The following MACF1 variants were observed in gnomAD, a reference collection of about 807,000 sequenced individuals.
MACF1 encodes the protein microtubule actin crosslinking factor 1.
MACF1 carries 193 observed loss-of-function variants against 854.8 expected under a neutral mutation model. The ratio of observed to expected loss-of-function variants is 0.23; its 90% CI spans 0.20 to 0.25. MACF1 has a LOEUF of 0.25. Ranked by LOEUF, MACF1 falls within the 10% of genes least tolerant of loss-of-function variation. MACF1 has a pLI of 1.00. For synonymous variants in MACF1, 3,185 were observed against 3,226.7 expected (o/e 0.99, Z 0.44); for missense variants, 7,722 against 8,929.1 (o/e 0.86, Z 5.45).
chr1:39,424,610 A>G (rs1398808046), intron 61 of MACF1, among the ~76,000 whole-genome samples: 2 of 152,164 alleles, frequency 1.3e-5, no homozygotes, highest in Non-Finnish European at 2.9e-5. Flanking sequence ...GTAATATTAG[A>G]TTTTTTTGCC....
intron 2 of MACF1, among the ~76,000 whole-genome samples, chr1:39,128,571 C>T (rs1571076009): frequency 1.3e-5 from 2 of 152,142 alleles, no homozygotes; most frequent in South Asian, 4.1e-4. Context: ...TGGTGGCGGG[C>T]GCCTGTAGTC....
At chr1:39,414,459 T>C (rs1643196322) in intron 58 of MACF1, 1 of 1,614,042 alleles carries the variant, frequency 6.2e-7, no homozygotes, top group Non-Finnish European at 8.5e-7. Context: ...CTGCAACCGC[T>C]GGATTAAATT....
chr1:39,267,306 A>G (rs1018160226), intron 6 of MACF1, among the ~76,000 whole-genome samples: 13 of 152,124 alleles, frequency 8.5e-5, no homozygotes, highest in African/African-American at 3.1e-4. Flanking sequence ...ATCTTGGCTC[A>G]CTGCAACCTC....
chr1:39,327,783 C>A (rs1329362644), intron 36 of MACF1, among the ~76,000 whole-genome samples: 1 of 152,126 alleles, frequency 6.6e-6, no homozygotes, highest in Non-Finnish European at 1.5e-5. Flanking sequence ...ATATTAAGTT[C>A]CAAAGCAAAC....
chr1:39,412,157 T>C lies in MACF1; in HGVS notation c.15817-10217T>C, dbSNP rs113364091. ...GAGCTGGCCAAAGACAATGGCAGTT[T>C]GTCCCAGGGAGACTGCAGTCAAACT... On this transcript the variant is annotated intron_variant, in intron 58 of 100. Coordinates refer to ENST00000564288, the MANE Select transcript of MACF1 (RefSeq NM_001394062.1). 4,386 of 1,613,972 alleles carry C rather than the reference T, an allele frequency of 2.7e-3. 18 individuals are homozygous for C. Among genetic ancestry groups the C allele is most frequent in the South Asian group, 9.3e-3 (847 of 91,086 alleles).
chr1:39,279,225 G>A (rs771213233), intron 6 of MACF1, among the ~76,000 whole-genome samples: 30 of 152,058 alleles, frequency 2.0e-4, no homozygotes, highest in Admixed American at 9.8e-4. Context: ...GCTGGGTAGG[G>A]TACAGTTTCA....
intron 2 of MACF1, among the ~76,000 whole-genome samples, chr1:39,240,306 C>G (rs1402040162): frequency 6.6e-6 from 1 of 152,126 alleles, no homozygotes; most frequent in East Asian, 1.9e-4. Flanking sequence ...AGGAGTGTTA[C>G]CTTTGTTGCC....
At chr1:39,145,352 A>T (rs1205341101) in intron 2 of MACF1, among the ~76,000 whole-genome samples, 2 of 152,158 alleles carry the variant, frequency 1.3e-5, no homozygotes, top group Non-Finnish European at 2.9e-5. Context: ...ACCAGTCCTT[A>T]CCACATTCCC....
chr1:39,485,704 C>A lies in MACF1; in HGVS notation c.22578C>A (p.Ser7526=), dbSNP rs776333371. The A allele has an allele frequency of 6.2e-7, 1 of 1,614,020 alleles. No individual in the cohort carries two copies. The highest frequency in any genetic ancestry group is 8.5e-7 in the Non-Finnish European group (1 of 1,179,962). Residue 7526 remains serine, a synonymous_variant, in exon 101 of 101, where the codon TCC becomes TCA. Coordinates refer to ENST00000564288, the MANE Select transcript of MACF1 (RefSeq NM_001394062.1). ...GCGCTGCAGGGGGCCAAGGCAACTC[C>A]AGGAGAGGGCTAAACAAACCTTCCA... ...ESSAAGGQGN[S]RRGLNKPSKI...
chr1:39,337,201 T>G lies in MACF1; in HGVS notation c.10085T>G (p.Leu3362Arg), dbSNP rs1370946288. 1 of 1,613,290 alleles carries G rather than the reference T, an allele frequency of 6.2e-7. No individual in the cohort carries two copies. The highest frequency in any genetic ancestry group is 1.7e-5 in the Admixed American group (1 of 59,916). ...CCACAGAATGTATTTACCCGGCAAC[T>G]CTGTTTAGAACATGATGAAAAGCTA... The part of the protein sequence containing the change: ...RATQNVFTRQ[L>R]CLEHDEKLVS... The change falls in exon 38 of 101, where the codon CTC (leucine) becomes CGC (arginine). Residue 3362 changes from leucine (L) to arginine (R), a missense_variant. Physicochemically the swap from Leu to Arg is moderately radical, Grantham distance 102 (BLOSUM62 -2). Around this residue, in one of 15 missense-constraint regions of MACF1, gnomAD observed 854 missense variants for 852.6 expected, o/e 1.00. Transcript: ENST00000564288.
intron 80 of MACF1, 33 bp from the exon 81 acceptor site, chr1:39,447,398 CT>C (rs775341095): frequency 1.2e-6 from 2 of 1,600,632 alleles, no homozygotes; most frequent in Non-Finnish European, 1.7e-6. Flanking sequence ...GGCGCTTTTT[CT>C]TTCTGTGTGT....
intron 2 of MACF1, among the ~76,000 whole-genome samples, chr1:39,144,565 T>C (rs1385300624): frequency 6.6e-6 from 1 of 152,156 alleles, no homozygotes; most frequent in East Asian, 1.9e-4. Flanking sequence ...TGGAATTCCC[T>C]TCTAACAACG....
intron 49 of MACF1, among the ~76,000 whole-genome samples, chr1:39,365,099 C>T (rs183709103): frequency 1.4e-3 from 212 of 152,036 alleles, no homozygotes; most frequent in African/African-American, 4.7e-3. Flanking sequence ...CTTTTTGAGA[C>T]GGAGTCTTGC....
chr1:39,410,941 G>A, intron 58 of MACF1: 2 of 1,613,992 alleles, frequency 1.2e-6, no homozygotes, highest in Non-Finnish European at 1.7e-6. Context: ...GCAGCACAGT[G>A]CAAACCCTCC....
intron 2 of MACF1, among the ~76,000 whole-genome samples, chr1:39,120,073 G>A (rs889478825): frequency 2.0e-5 from 3 of 151,750 alleles, no homozygotes; most frequent in Admixed American, 1.3e-4. Flanking sequence ...TAGTAGAGAC[G>A]GGGTTTCTCC....
At chr1:39,157,541 A>G (rs569418241) in intron 2 of MACF1, among the ~76,000 whole-genome samples, 1 of 152,324 alleles carries the variant, frequency 6.6e-6, no homozygotes, top group African/African-American at 2.4e-5. Context: ...GGATTGTTCC[A>G]GGGATCTGAC....
In MACF1 at chr1:39,347,104, T is replaced by C; in HGVS notation, c.10709T>C (p.Leu3570Pro). The C allele has an allele frequency of 6.2e-7, 1 of 1,614,180 alleles. No individual in the cohort carries two copies. Among genetic ancestry groups the C allele is most frequent in the African/African-American group, 1.3e-5 (1 of 75,070 alleles). ...PQQNRQMLRL[L>P]NELQRSFQDI... ...CAGAATCGACAGATGCTGAGGCTTC[T>C]GAATGAACTGCAGAGGTCCTTCCAG... Residue 3570 changes from leucine to proline, a missense_variant, in exon 41 of 101, where the codon CTG becomes CCG. Leu to Pro is a moderately conservative substitution (Grantham distance 98). Coordinates refer to ENST00000564288, the MANE Select transcript of MACF1 (RefSeq NM_001394062.1).
intron 2 of MACF1, among the ~76,000 whole-genome samples, chr1:39,237,478 C>T (rs549153740): frequency 6.6e-6 from 1 of 152,286 alleles, no homozygotes; most frequent in East Asian, 1.9e-4. Context: ...ACTAATATTT[C>T]AATAGTGTTA....
intron 58 of MACF1, among the ~76,000 whole-genome samples, chr1:39,402,976 C>G (rs188844601): frequency 4.3e-4 from 66 of 152,134 alleles, no homozygotes; most frequent in Non-Finnish European, 8.5e-4. Context: ...TGCACTCAAC[C>G]TCTGAGATGG....
Sources: gnomAD v4.1 joint callset for allele counts (sites outside exome capture counted in the v4.1 genomes callset) on GRCh38, gnomAD v4.1.1 for gene constraint, gnomAD v4.1.1 regional missense constraint, MANE v1.5 for transcripts, NCBI Gene and HGNC (gene_info 2026-07-23, HGNC 2026-07-21) for gene names.